TPM1: variants seen among roughly 807,000 people sequenced by gnomAD.
TPM1 encodes the protein tropomyosin 1.
Under a neutral mutation model 42.9 loss-of-function variants are expected in TPM1, and 24 were observed. That is an observed-to-expected ratio of 0.56 (90% CI 0.41 to 0.79). The LOEUF (loss-of-function observed/expected upper bound fraction) is 0.79, where lower values mean the gene tolerates loss of function less well. Among genes scored for constraint, TPM1 ranks in the 30% least tolerant of loss-of-function variants. TPM1 has a pLI of 0.00. For synonymous variants in TPM1, 136 were observed against 130.1 expected (o/e 1.05, Z -0.31); for missense variants, 158 against 351.8 (o/e 0.45, Z 4.41).
intron 2 of TPM1, chr15:63,048,208 T>G: frequency 2.2e-6 from 1 of 463,570 alleles, no homozygotes; most frequent in South Asian, 1.5e-5. Flanking sequence ...GGAGGGGCCC[T>G]AGAAGTGGAA....
chr15:63,061,175 G>A (rs776067057), intron 5 of TPM1: 1 of 1,612,908 alleles, frequency 6.2e-7, no homozygotes. Context: ...ATGGCCTTGT[G>A]CATTTCCTGT....
chr15:63,070,202 G>T (rs2036528042), downstream of TPM1: 2 of 1,262,266 alleles, frequency 1.6e-6, no homozygotes, highest in East Asian at 4.2e-5. Flanking sequence ...GAAATAGCAG[G>T]TCCTCTTGTT....
At position 63,061,790 on chromosome 15, in the gene TPM1, T is replaced by C. The variant is rs111457023; in HGVS notation, c.639+2T>C. On this transcript the variant is annotated splice_donor_variant, in intron 6 of 9. Transcript: ENST00000403994. LOFTEE classifies it high-confidence loss of function. ...TCACTGGAGGCTCAGGCTGAGAAGG[T>C]AGGCCAGGAGGATGGTGTGGGGGAA... 1.9e-6 allele frequency: 3 copies of C among 1,613,838 alleles called. No individual in the cohort carries two copies. Among genetic ancestry groups the C allele is most frequent in the South Asian group, 2.2e-5 (2 of 91,082 alleles).
Position 63,062,577 on chromosome 15 carries a change from C to G in TPM1, c.704C>G (p.Ala235Gly). The G allele has an allele frequency of 6.2e-7, 1 of 1,614,184 alleles. No homozygotes were observed. Among genetic ancestry groups the G allele is most frequent in the Non-Finnish European group, 8.5e-7 (1 of 1,180,020 alleles). The change falls in exon 8 of 10, where the codon GCT becomes GGT. Residue 235 changes from alanine to glycine, a missense_variant and splice_region_variant. Ala to Gly is a moderately conservative substitution (Grantham distance 60). This residue lies in a region of TPM1 where 64 missense variants were observed against 95.8 expected (regional missense o/e 0.67). Coordinates refer to ENST00000403994, the MANE Select transcript of TPM1 (RefSeq NM_001018005.2). The stretch of plus-strand genomic sequence containing the variant: ...TTTAACTCAAATAAATCATTACAGG[C>G]TGAGACTCGGGCTGAGTTTGCGGAG... ...IKVLSDKLKE[A>G]ETRAEFAERS...
At chr15:63,052,512 G>C (rs2034090952) in intron 2 of TPM1, among the ~76,000 whole-genome samples, 1 of 139,138 alleles carries the variant, frequency 7.2e-6, no homozygotes, top group Non-Finnish European at 1.6e-5. Flanking sequence ...GACAGAGCTA[G>C]ACTCCATCTC....
chr15:63,044,262 C>A, intron 2 of TPM1, 110 bp downstream of exon 2: 2 of 1,519,886 alleles, frequency 1.3e-6, no homozygotes, highest in East Asian at 2.3e-5. Context: ...TGCTGGACAC[C>A]TGCACACAGC....
chr15:63,064,915 C>G (rs1047569671), intron 9 of TPM1: 12 of 841,630 alleles, frequency 1.4e-5, no homozygotes, highest in East Asian at 1.2e-4. Flanking sequence ...TGCAGTCAGC[C>G]GAGATCGCAC....
intron 2 of TPM1, among the ~76,000 whole-genome samples, chr15:63,053,507 C>A (rs1180734767): frequency 6.6e-6 from 1 of 152,010 alleles, no homozygotes; most frequent in African/African-American, 2.4e-5. Flanking sequence ...ACTTCTGTGC[C>A]CAGGGTCAGA....
intron 2 of TPM1, chr15:63,048,540 C>T: frequency 6.6e-7 from 1 of 1,513,570 alleles, no homozygotes; most frequent in South Asian, 1.2e-5. Context: ...CGGCCTCTCC[C>T]ACTGCAGCCC....
chr15:63,052,133 C>CATT (rs5813190), intron 2 of TPM1, among the ~76,000 whole-genome samples: 16 of 151,584 alleles, frequency 1.1e-4, no homozygotes, highest in African/African-American at 3.9e-4. Flanking sequence ...TTGAGTAGTT[C>CATT]ATTGTTAGAA....
chr15:63,051,432 T>C (rs17752921), intron 2 of TPM1, among the ~76,000 whole-genome samples: 18,382 of 152,172 alleles, frequency 0.12, 1,419 homozygotes, highest in African/African-American at 0.21. Flanking sequence ...TTCATGTCTG[T>C]TCTCCCTCAT....
intron 2 of TPM1, chr15:63,055,615 A>G (rs2034648922): frequency 6.6e-6 from 1 of 152,210 alleles, no homozygotes; most frequent in African/African-American, 2.4e-5. Context: ...TTCAATGACA[A>G]AGACAGGGCT....
rs770902938 is a variant in TPM1, at chr15:63,062,889, A to G, written c.772+244A>G. ...TGCCATCCAGCTTGACTTCATGCTC[A>G]TTACAAGTGTGGCAGGTTTATTTTT... On this transcript the variant is annotated intron_variant, in intron 8 of 9. Coordinates refer to ENST00000403994, the MANE Select transcript of TPM1 (RefSeq NM_001018005.2). The G allele has an allele frequency of 4.6e-4, 690 of 1,489,422 alleles. 9 individuals are homozygous for G. Among genetic ancestry groups the G allele is most frequent in the Admixed American group, 5.9e-4 (25 of 42,708 alleles). 92.3% of individuals were successfully genotyped at this position (1,489,422 alleles called of 1,614,324 possible). A position where few individuals can be genotyped will look rare whatever the true frequency, so the allele number is the denominator to read the frequency against.
At chr15:63,043,557 G>T in intron 1 of TPM1, 1 of 1,292,166 alleles carries the variant, frequency 7.7e-7, no homozygotes, top group Non-Finnish European at 1.1e-6. Context: ...TCCAGCTCGG[G>T]TAAAGAGGAA....
chr15:63,061,798 G>A lies in TPM1; in HGVS notation c.639+10G>A, dbSNP rs763272536. ...GGCTCAGGCTGAGAAGGTAGGCCAG[G>A]AGGATGGTGTGGGGGAAAGGCATCT... On this transcript the variant is annotated intron_variant, in intron 6 of 9. Transcript: ENST00000403994. The A allele has an allele frequency of 1.1e-5, 18 of 1,613,812 alleles. No individual in the cohort carries two copies. The highest frequency in any genetic ancestry group is 1.4e-5 in the Non-Finnish European group (17 of 1,179,824).
chr15:63,055,201 G>A (rs2034589930), intron 2 of TPM1, among the ~76,000 whole-genome samples: 1 of 152,162 alleles, frequency 6.6e-6, no homozygotes, highest in Non-Finnish European at 1.5e-5. Context: ...TACTTTGTAG[G>A]CAGTACAGTT....
At chr15:63,071,254 A>G in exon 9 of TPM1, 1 of 1,450,362 alleles carries the variant, frequency 6.9e-7, no homozygotes, top group South Asian at 1.2e-5. Flanking sequence ...AATGCAATTT[A>G]TTTACTTTTA....
chr15:63,048,827 C>A, intron 2 of TPM1: 1 of 1,292,776 alleles, frequency 7.7e-7, no homozygotes, highest in Non-Finnish European at 1.1e-6. Flanking sequence ...GCCTCCAGGG[C>A]GCACCTGGCG....
chr15:63,058,776 A>G (rs1176994221), intron 3 of TPM1, among the ~76,000 whole-genome samples: 1 of 152,204 alleles, frequency 6.6e-6, no homozygotes, highest in Non-Finnish European at 1.5e-5. Context: ...AATGAATTCC[A>G]TTTTACATGA....
Sources: gnomAD v4.1 joint callset for allele counts (sites outside exome capture counted in the v4.1 genomes callset) on GRCh38, gnomAD v4.1.1 for gene constraint, gnomAD v4.1.1 regional missense constraint, MANE v1.5 for transcripts, NCBI Gene and HGNC (gene_info 2026-07-23, HGNC 2026-07-21) for gene names.